Variants in TYW1 observed in about 807,000 individuals in gnomAD.
TYW1 encodes S-adenosyl-L-methionine-dependent tRNA 4-demethylwyosine synthase TYW1.
Under a neutral mutation model 96.2 loss-of-function variants are expected in TYW1, and 46 were observed. That is an observed-to-expected ratio of 0.48 (90% confidence interval 0.38 to 0.61). The LOEUF (loss-of-function observed/expected upper bound fraction) is 0.61. TYW1 is among the 20% of genes least tolerant of loss of function. TYW1 has a pLI of 0.00. For synonymous variants in TYW1, 274 were observed against 323.0 expected, an observed-to-expected ratio of 0.85 and a Z score of 1.63; for missense variants, 684 against 909.6, an observed-to-expected ratio of 0.75 and a Z score of 3.19.
At chr7:67,107,167 A>C (rs1797269682) in intron 12 of TYW1, among the ~76,000 whole-genome samples, 1 of 152,236 alleles carries the variant, frequency 6.6e-6, no homozygotes, top group Admixed American at 6.5e-5. Flanking sequence ...GTGTTAGCTC[A>C]GAATGGTTCC....
chr7:67,132,244 A>G (rs1380484669), intron 13 of TYW1, among the ~76,000 whole-genome samples: 2 of 150,724 alleles, frequency 1.3e-5, no homozygotes, highest in African/African-American at 2.5e-5. Flanking sequence ...CCAAGTAGCT[A>G]GAGACAATAG....
intron 13 of TYW1, among the ~76,000 whole-genome samples, chr7:67,181,659 AG>A (rs1178146663): frequency 7.0e-6 from 1 of 142,904 alleles, no homozygotes; most frequent in Admixed American, 7.0e-5. Flanking sequence ...GTGTGGTTTG[AG>A]GGTTGGCAGC....
At chr7:67,169,472 C>G (rs186749195) in intron 13 of TYW1, among the ~76,000 whole-genome samples, 64 of 152,218 alleles carry the variant, frequency 4.2e-4, no homozygotes, top group Non-Finnish European at 7.4e-4. Flanking sequence ...GTGATCTTGG[C>G]TCACTGCAAC....
intron 13 of TYW1, among the ~76,000 whole-genome samples, chr7:67,164,912 A>G (rs1799274530): frequency 6.6e-6 from 1 of 151,986 alleles, no homozygotes; most frequent in Admixed American, 6.6e-5. Flanking sequence ...TAGAATAAAC[A>G]TGCTTATTCA....
chr7:67,033,367 G>A (rs559373568), intron 7 of TYW1, among the ~76,000 whole-genome samples: 2 of 152,162 alleles, frequency 1.3e-5, no homozygotes, highest in Admixed American at 1.3e-4. Flanking sequence ...TTTATTTGGA[G>A]GGGACAGGCC....
intron 13 of TYW1, among the ~76,000 whole-genome samples, chr7:67,153,941 T>G (rs142921651): frequency 0.26 from 38,777 of 149,650 alleles, 5,511 homozygotes; most frequent in African/African-American, 0.38. Context: ...TTTTTTTTTT[T>G]TTTTGAGACG....
At chr7:67,041,867 TGGGAGA>T (rs1795033527) in intron 7 of TYW1, among the ~76,000 whole-genome samples, 1 of 151,996 alleles carries the variant, frequency 6.6e-6, no homozygotes, top group South Asian at 2.1e-4. Context: ...ATTTGTAATG[TGGGAGA>T]TAACAGTATC....
chr7:67,065,499 C>T (rs558703858), intron 9 of TYW1, among the ~76,000 whole-genome samples: 7 of 152,230 alleles, frequency 4.6e-5, no homozygotes, highest in South Asian at 4.2e-4. Flanking sequence ...TTGGACGTTT[C>T]GGTTTTCAGT....
chr7:67,041,055 T>C (rs1335438787), intron 7 of TYW1, among the ~76,000 whole-genome samples: 1 of 152,164 alleles, frequency 6.6e-6, no homozygotes, highest in Non-Finnish European at 1.5e-5. Context: ...AGCTGGTTTA[T>C]GATATTTCAG....
intron 13 of TYW1, among the ~76,000 whole-genome samples, chr7:67,126,585 T>C (rs2116029595): frequency 6.6e-6 from 1 of 152,326 alleles, no homozygotes; most frequent in South Asian, 2.1e-4. Flanking sequence ...TCTAGAACTC[T>C]TACAGTTTTG....
intron 13 of TYW1, among the ~76,000 whole-genome samples, chr7:67,149,475 T>A (rs6978918): frequency 1.1e-4 from 17 of 152,136 alleles, no homozygotes; most frequent in African/African-American, 3.4e-4. Flanking sequence ...ATAAAAAAAA[T>A]TTTGCCATTA....
chr7:67,238,123 C>T (rs534562011), intron 15 of TYW1, among the ~76,000 whole-genome samples, 185 bp from the exon 16 acceptor site: 52 of 151,348 alleles, frequency 3.4e-4, no homozygotes, highest in African/African-American at 1.1e-3. Context: ...GTGATTGTAG[C>T]GCATCTTGGT....
chr7:67,225,190 C>CAAAAAAAAAAAAAAAAAA (rs10600752), intron 15 of TYW1, among the ~76,000 whole-genome samples: 1 of 78,080 alleles, frequency 1.3e-5, no homozygotes, highest in Non-Finnish European at 2.7e-5. Flanking sequence ...GACTCCGTCT[C>CAAAAAAAAAAAAAAAAAA]AAAAAAAAAA....
At chr7:67,117,030 T>G (rs1797617219) in intron 12 of TYW1, among the ~76,000 whole-genome samples, 1 of 152,110 alleles carries the variant, frequency 6.6e-6, no homozygotes, top group South Asian at 2.1e-4. Context: ...CTTTTGGGAT[T>G]GTTTCTTGTT....
chr7:67,180,709 C>G (rs1799814014), intron 13 of TYW1, among the ~76,000 whole-genome samples: 1 of 152,026 alleles, frequency 6.6e-6, no homozygotes, highest in African/African-American at 2.4e-5. Flanking sequence ...GTGGTGCAGT[C>G]TTGGCCCATT....
chr7:67,151,336 G>A (rs2687024), intron 13 of TYW1, among the ~76,000 whole-genome samples: 39,304 of 121,842 alleles, frequency 0.32, 5,234 homozygotes, highest in Middle Eastern at 0.42. Flanking sequence ...GGCATGAGCC[G>A]CTGTGCCTGG....
chr7:67,048,040 G>A (rs1192306657), intron 7 of TYW1, among the ~76,000 whole-genome samples: 5 of 147,724 alleles, frequency 3.4e-5, no homozygotes, highest in Middle Eastern at 3.2e-3. Flanking sequence ...CACCTGCCTC[G>A]GCCTCCCATA....
At chr7:67,027,643 G>T (rs1422083284) in intron 7 of TYW1, among the ~76,000 whole-genome samples, 1 of 152,036 alleles carries the variant, frequency 6.6e-6, no homozygotes, top group Admixed American at 6.6e-5. Context: ...TCAAAAAAAG[G>T]CAGACCTGCA....
At chr7:67,149,040 AT>A (rs1487770785) in intron 13 of TYW1, among the ~76,000 whole-genome samples, 1 of 152,058 alleles carries the variant, frequency 6.6e-6, no homozygotes, top group Admixed American at 6.6e-5. Flanking sequence ...GACCAGTGGC[AT>A]TTTACCCCGT....
Sources: allele counts gnomAD v4.1 joint callset (sites outside exome capture counted in the v4.1 genomes callset), GRCh38; gene constraint gnomAD v4.1.1; transcripts MANE v1.5; gene names NCBI Gene and HGNC (gene_info 2026-07-23, HGNC 2026-07-21).